Variants in RNASEH2B observed in about 807,000 individuals in gnomAD.
RNASEH2B encodes the protein Aicardi-Goutieres syndrome 2 protein.
A neutral mutation model predicts 45.0 loss-of-function variants in RNASEH2B; 36 were observed. The ratio of observed to expected loss-of-function variants is 0.80; its 90% CI spans 0.61 to 1.06. The LOEUF is 1.06. Ranked by LOEUF, RNASEH2B falls within the 50% of genes least tolerant of loss-of-function variation. The pLI is 0.00. For synonymous variants in RNASEH2B, 119 were observed against 125.7 expected, an observed-to-expected ratio of 0.95 and a Z score of 0.35; for missense variants, 361 against 360.3, an observed-to-expected ratio of 1.00 and a Z score of -0.02.
At position 50,910,001 on chromosome 13, in the gene RNASEH2B, C is replaced by A; in HGVS notation, c.-76C>A. On this transcript the variant is annotated 5_prime_UTR_variant, in exon 1 of 11. Transcript: ENST00000336617. ...CGCGCCACCCGGAACAGACCCTTCTCCCGCCATTTTCGGCGGGGCTGGGAG... is the reference window on the plus strand; with the variant it reads ...CGCGCCACCCGGAACAGACCCTTCTACCGCCATTTTCGGCGGGGCTGGGAG... 7.6e-7 allele frequency: 1 copy of A among 1,312,960 alleles called. No individual in the cohort carries two copies. The allele number at this position is 1,312,960 out of a possible 1,614,324, so 81.3% of individuals were successfully genotyped here.
chr13:50,937,877 C>T lies in RNASEH2B; in HGVS notation c.436+2878C>T, dbSNP rs1951777117. ...GACTGAACACAATCTTCCCCCAAGA[C>T]TGGATACAAGAGAAGGATGCCTGCT... On this transcript the variant is annotated intron_variant, in intron 5 of 10. Coordinates refer to ENST00000336617, the MANE Select transcript of RNASEH2B (RefSeq NM_024570.4). 4 of 152,312 alleles carry T rather than the reference C, an allele frequency of 2.6e-5. No homozygotes were observed. In the South Asian group the frequency reaches 8.3e-4, roughly 32 times the overall value. 9.4% of individuals were successfully genotyped at this position (152,312 alleles called of 1,614,324 possible).
At chr13:50,917,194 G>A (rs1272063602) in intron 1 of RNASEH2B, among the ~76,000 whole-genome samples, 1 of 152,162 alleles carries the variant, frequency 6.6e-6, no homozygotes, top group South Asian at 2.1e-4. Flanking sequence ...AGGACAAAGT[G>A]GGCACTTGAG....
chr13:50,945,544 A>G lies in RNASEH2B; in HGVS notation c.616+12A>G, dbSNP rs756300291. On this transcript the variant is annotated intron_variant, in intron 7 of 10. Coordinates refer to ENST00000336617, the MANE Select transcript of RNASEH2B (RefSeq NM_024570.4). ...CACTGACAAGGAAGGTAAGTAAAGCATTTTATCAGAAAAGATTTTTGTCTG... is the reference window on the plus strand; with the variant it reads ...CACTGACAAGGAAGGTAAGTAAAGCGTTTTATCAGAAAAGATTTTTGTCTG... 7.6e-6 allele frequency: 12 copies of G among 1,579,876 alleles called. No individual in the cohort carries two copies. The highest frequency in any genetic ancestry group is 1.7e-5 in the Admixed American group (1 of 59,962).
chr13:50,940,929 A>T (rs1054182416), intron 5 of RNASEH2B: 1 of 152,206 alleles, frequency 6.6e-6, no homozygotes, highest in Non-Finnish European at 1.5e-5. Context: ...CACAGCTTTG[A>T]TGTCAGCATG....
rs1055308989 is a variant in RNASEH2B, at chr13:50,909,844, C to T, written c.-233C>T. 5 of 409,276 alleles carry T rather than the reference C, an allele frequency of 1.2e-5. No homozygotes were observed. The South Asian group carries it at 2.5e-4, about 20-fold the overall frequency. The allele number at this position is 409,276 out of a possible 1,614,324, so 25.4% of individuals were successfully genotyped here. On this transcript the variant is annotated 5_prime_UTR_variant, in exon 1 of 11. Transcript: ENST00000336617. ...GGCCCCTTCCCGTTGCCTGCGGCCA[C>T]CGGCCGGCATTCAGAGCCCCTCGCC...
At chr13:50,950,455 C>CA (rs202193335) in intron 9 of RNASEH2B, 103 of 150,646 alleles carry the variant, frequency 6.8e-4, no homozygotes, top group African/African-American at 1.8e-3. Context: ...AGCATGTTGT[C>CA]AAAAAAAAAT....
At chr13:50,935,410 C>G (rs1696043408) in intron 5 of RNASEH2B, 2 of 232,900 alleles carry the variant, frequency 8.6e-6, no homozygotes, top group African/African-American at 4.5e-5. Flanking sequence ...GTGCTAAGCT[C>G]TAGATACTTA....
At chr13:50,946,416 T>G (rs1199152588) in intron 7 of RNASEH2B, among the ~76,000 whole-genome samples, 2 of 152,212 alleles carry the variant, frequency 1.3e-5, no homozygotes, top group African/African-American at 4.8e-5. Flanking sequence ...CTTGCATGTA[T>G]AGGTAGTTGG....
At chr13:50,928,196 G>C (rs188831616) in intron 2 of RNASEH2B, among the ~76,000 whole-genome samples, 4 of 152,060 alleles carry the variant, frequency 2.6e-5, no homozygotes, top group Non-Finnish European at 4.4e-5. Context: ...AATTTATAAG[G>C]TTTTGTGTAG....
At chr13:50,915,601 T>A (rs899662508) in intron 1 of RNASEH2B, 4 of 397,194 alleles carry the variant, frequency 1.0e-5, no homozygotes, top group Non-Finnish European at 1.3e-5. Context: ...AAGTGTGTTT[T>A]CCCTGAGTGG....
At chr13:50,949,028 G>C (rs1951942017) in intron 8 of RNASEH2B, 1 of 166,778 alleles carries the variant, frequency 6.0e-6, no homozygotes, top group South Asian at 1.5e-4. Context: ...TGGTTGAAGA[G>C]TTCAGAAGAA....
intron 1 of RNASEH2B, among the ~76,000 whole-genome samples, chr13:50,922,710 T>C (rs2057827293): frequency 6.6e-6 from 1 of 152,214 alleles, no homozygotes; most frequent in African/African-American, 2.4e-5. Flanking sequence ...TTTCCAGAAT[T>C]GCCACATTTG....
chr13:50,957,143 T>C (rs1952061985), downstream of RNASEH2B, among the ~76,000 whole-genome samples: 2 of 151,950 alleles, frequency 1.3e-5, no homozygotes. Context: ...TGCAGGTTTG[T>C]TACAGAAGGA....
chr13:50,939,901 T>C (rs1359115124), intron 5 of RNASEH2B, among the ~76,000 whole-genome samples: 1 of 152,174 alleles, frequency 6.6e-6, no homozygotes, highest in Admixed American at 6.5e-5. Context: ...TGTAAAAAAA[T>C]TATAAATTGT....
At chr13:50,926,208 C>T (rs1428284767) in intron 1 of RNASEH2B, among the ~76,000 whole-genome samples, 1 of 151,606 alleles carries the variant, frequency 6.6e-6, no homozygotes, top group Non-Finnish European at 1.5e-5. Context: ...AAAAAATGGT[C>T]GTATTTTAAC....
At chr13:50,917,696 C>G (rs1879820308) in intron 1 of RNASEH2B, among the ~76,000 whole-genome samples, 1 of 152,156 alleles carries the variant, frequency 6.6e-6, no homozygotes, top group Non-Finnish European at 1.5e-5. Flanking sequence ...TCAGCTCTCT[C>G]AAGTCCTTTT....
chr13:50,968,051 C>T (rs1453666377), intron 9 of RNASEH2B, among the ~76,000 whole-genome samples: 1 of 152,148 alleles, frequency 6.6e-6, no homozygotes, highest in Non-Finnish European at 1.5e-5. Flanking sequence ...AGCCATTAGA[C>T]TGACCAAAAG....
intron 7 of RNASEH2B, among the ~76,000 whole-genome samples, chr13:50,946,179 A>G (rs2137993631): frequency 6.6e-6 from 1 of 152,304 alleles, no homozygotes; most frequent in Non-Finnish European, 1.5e-5. Flanking sequence ...TTCTTTTCCA[A>G]GTAGAGTCCT....
In RNASEH2B at chr13:50,937,217, TA is replaced by T. The variant is rs1324852509; in HGVS notation, c.436+2219del. On this transcript the variant is annotated intron_variant, in intron 5 of 10. Coordinates refer to ENST00000336617, the MANE Select transcript of RNASEH2B (RefSeq NM_024570.4). ...ACAGAAAGAAAAAGATTTTTATTTT[TA>T]TTTTTTTATTTTTATTTTTTTAAGA... 4.3e-5 allele frequency: 6 copies of T among 139,562 alleles called. No individual in the cohort carries two copies. In the East Asian group the frequency reaches 9.6e-4, roughly 22 times the overall value. The allele number at this position is 139,562 out of a possible 1,614,324, so 8.6% of individuals were successfully genotyped here. A position where few individuals can be genotyped will look rare whatever the true frequency, so the allele number is the denominator to read the frequency against.
Sources: gnomAD v4.1 joint callset for allele counts (sites outside exome capture counted in the v4.1 genomes callset) on GRCh38, gnomAD v4.1.1 for gene constraint, MANE v1.5 for transcripts, NCBI Gene and HGNC (gene_info 2026-07-23, HGNC 2026-07-21) for gene names.